LTBP2: variants seen among roughly 807,000 people sequenced by gnomAD.
The protein encoded by LTBP2 is latent-transforming growth factor beta-binding protein 2.
In LTBP2, 103 loss-of-function variants were observed where a neutral mutation model predicts 210.6. The ratio of observed to expected loss-of-function variants is 0.49; its 90% CI spans 0.42 to 0.58. The LOEUF is 0.58. Among genes scored for constraint, LTBP2 ranks in the 20% least tolerant of loss-of-function variants. LTBP2 has a pLI of 0.00. For missense variants in LTBP2, 2,313 were observed against 2,494.5 expected (o/e 0.93, Z 1.55); for synonymous variants, 1,007 against 1,015.0 (o/e 0.99, Z 0.15).
Position 74,555,619 on chromosome 14 carries a change from G to A in LTBP2, c.905C>T (p.Pro302Leu), listed in dbSNP as rs557904436. The change falls in exon 4 of 36, where the codon CCG (proline) becomes CTG (leucine). Residue 302 changes from proline to leucine, a missense_variant. Around this residue, in one of 3 missense-constraint regions of LTBP2, gnomAD observed 1,867 missense variants for 1,976.9 expected, o/e 0.94. Transcript: ENST00000261978. The part of the protein sequence containing the change: ...VGLSRTVRLH[P>L]TATASSQLSS... ...GAGCTGGCTACTGGCCGTGGCAGTC[G>A]GGTGAAGTCGGACAGTGCGGGACAA... is the stretch of plus-strand genomic sequence containing the variant. The A allele has an allele frequency of 3.2e-5, 52 of 1,609,252 alleles. No homozygotes were observed. The highest frequency in any genetic ancestry group is 1.7e-4 in the Middle Eastern group (1 of 5,996).
chr14:74,599,991 TTC>T (rs2088422117), intron 2 of LTBP2, among the ~76,000 whole-genome samples: 2 of 152,152 alleles, frequency 1.3e-5, no homozygotes, highest in Admixed American at 1.3e-4. Flanking sequence ...ATCATGAACA[TTC>T]CCCAACATTG....
intron 2 of LTBP2, among the ~76,000 whole-genome samples, chr14:74,591,503 C>T (rs1390327014): frequency 1.3e-5 from 2 of 152,252 alleles, no homozygotes; most frequent in Non-Finnish European, 2.9e-5. Context: ...GCCCAATCTG[C>T]TGAGGCAGAG....
chr14:74,608,760 A>ATG (rs1566659194), intron 1 of LTBP2, among the ~76,000 whole-genome samples: 1 of 127,770 alleles, frequency 7.8e-6, no homozygotes, highest in Non-Finnish European at 1.7e-5. Context: ...AAGAAAAGAA[A>ATG]AGAAATGAAA....
At chr14:74,538,685 G>C (rs2087453438) in intron 8 of LTBP2, among the ~76,000 whole-genome samples, 1 of 152,194 alleles carries the variant, frequency 6.6e-6, no homozygotes, top group Non-Finnish European at 1.5e-5. Context: ...CTGACATAGG[G>C]ACAGACCAAG....
chr14:74,500,609 C>T lies in LTBP2; in HGVS notation c.*275G>A, dbSNP rs989092961. The T allele has an allele frequency of 2.2e-5, 12 of 541,798 alleles. No homozygotes were observed. The highest frequency in any genetic ancestry group is 1.9e-4 in the African/African-American group (10 of 53,198). The allele number at this position is 541,798 out of a possible 1,614,324, so 33.6% of individuals were successfully genotyped here. On this transcript the variant is annotated 3_prime_UTR_variant, in exon 36 of 36. Transcript: ENST00000261978. ...TGGATGAGGGCCATCCTTTGGTAAG[C>T]ATCCCATAGCAAGGCCAGGAAAGGT...
intron 8 of LTBP2, among the ~76,000 whole-genome samples, chr14:74,536,580 C>A (rs750222071): frequency 6.6e-6 from 1 of 152,230 alleles, no homozygotes; most frequent in Non-Finnish European, 1.5e-5. Context: ...GGCGCAGTGG[C>A]TCATGCCTTA....
intron 3 of LTBP2, among the ~76,000 whole-genome samples, chr14:74,569,190 G>GGGAGGGAC (rs1566643358): frequency 6.7e-6 from 1 of 148,866 alleles, no homozygotes; most frequent in Non-Finnish European, 1.5e-5. Context: ...GAGGGAGGGA[G>GGGAGGGAC]GGAGGGAGGG....
intron 7 of LTBP2, 70 bp from the exon 8 acceptor site, chr14:74,550,035 G>C (rs199548451): frequency 1.4e-5 from 15 of 1,045,704 alleles, no homozygotes; most frequent in Non-Finnish European, 2.0e-5. Flanking sequence ...GAGATGTCCC[G>C]GGAAAGCCTA....
chr14:74,506,803 C>T lies in LTBP2; in HGVS notation c.3928G>A (p.Asp1310Asn), dbSNP rs61738014. ...DCIDIDECAN[D>N]TMCGSHGFCD... ...AAGCCGTGGCTGCCACACATGGTGT[C>T]GTTGGCGCACTCGTCTATGTCTGTG... The change falls in exon 27 of 36, where the codon GAC (aspartate) becomes AAC (asparagine). Residue 1310 changes from aspartate to asparagine, a missense_variant. Transcript: ENST00000261978. 3.4e-5 allele frequency: 55 copies of T among 1,613,954 alleles called. No homozygotes were observed. The African/African-American group carries it at 5.9e-4, about 17-fold the overall frequency.
chr14:74,505,089 C>T lies in LTBP2; in HGVS notation c.4263G>A (p.Ala1421=), dbSNP rs61738017. 3.9e-3 allele frequency: 6,364 copies of T among 1,614,062 alleles called. 159 individuals carry two copies. The African/African-American group carries it at 0.062, about 16-fold the overall frequency. ...TCCGGCCCAGGACACTGGAGCAGGG[C>T]GCATGGCCCTTCTGCCCGGAGTAGC... is the stretch of plus-strand genomic sequence containing the variant. The part of the protein sequence containing the change: ...MDCYSGQKGH[A]PCSSVLGRNT... Residue 1421 remains alanine (A), a synonymous_variant, in exon 29 of 36, where the codon GCG becomes GCA. Transcript: ENST00000261978.
At chr14:74,532,642 T>C in intron 9 of LTBP2, 94 bp from the exon 10 acceptor site, 1 of 1,432,080 alleles carries the variant, frequency 7.0e-7, no homozygotes, top group Non-Finnish European at 9.6e-7. Flanking sequence ...TCTCTCCAGA[T>C]AAAACAACAA....
intron 3 of LTBP2, among the ~76,000 whole-genome samples, chr14:74,566,521 G>A (rs2087904202): frequency 6.6e-6 from 1 of 152,226 alleles, no homozygotes; most frequent in Non-Finnish European, 1.5e-5. Context: ...TGGCAAGGCA[G>A]AGGAAGGCCC....
At position 74,499,687 on chromosome 14, in the gene LTBP2, T is replaced by C. The variant is rs919019373; in HGVS notation, c.*1197A>G. On this transcript the variant is annotated 3_prime_UTR_variant, in exon 36 of 36. Coordinates refer to ENST00000261978, the MANE Select transcript of LTBP2 (RefSeq NM_000428.3). ...GCCAGGGAGTAGGCACAGCCTCATC[T>C]CTAATATTTAGACTTAGCCAACATG... 1.3e-5 allele frequency: 3 copies of C among 225,448 alleles called. No individual in the cohort carries two copies. Among genetic ancestry groups the C allele is most frequent in the African/African-American group, 6.7e-5 (3 of 44,892 alleles). The allele number at this position is 225,448 out of a possible 1,614,324, so 14.0% of individuals were successfully genotyped here.
intron 2 of LTBP2, among the ~76,000 whole-genome samples, chr14:74,594,962 C>G (rs2088338095): frequency 6.6e-6 from 1 of 152,228 alleles, no homozygotes; most frequent in Non-Finnish European, 1.5e-5. Context: ...CACAGCTGTG[C>G]CAGGACCATG....
Position 74,611,879 on chromosome 14 carries a change from C to A in LTBP2, c.66G>T (p.Leu22=). Residue 22 remains leucine (L), a synonymous_variant, in exon 1 of 36, where the codon CTG becomes CTT. Transcript: ENST00000261978. ...RALRNPWRGF[L]PLTLALFVGA... is the part of the protein sequence containing the mutation. Reference sequence around the variant, plus strand: ...CCACGAAGAGAGCCAGGGTGAGCGGCAGGAAGCCTCTCCAGGGGTTCCGCA... The same window carrying A: ...CCACGAAGAGAGCCAGGGTGAGCGGAAGGAAGCCTCTCCAGGGGTTCCGCA... The A allele has an allele frequency of 6.2e-7, 1 of 1,607,902 alleles. No homozygotes were observed. Among genetic ancestry groups the A allele is most frequent in the South Asian group, 1.1e-5 (1 of 90,720 alleles).
chr14:74,525,245 A>G lies in LTBP2; in HGVS notation c.2429-20T>C. On this transcript the variant is annotated intron_variant, in intron 14 of 35. Transcript: ENST00000261978. Reference sequence around the variant, plus strand: ...CATTCCCTGTGGAGGAGAGAGGGGAAGAGGTGGGGTTGTGGCCCCTTGGCT... The same window carrying G: ...CATTCCCTGTGGAGGAGAGAGGGGAGGAGGTGGGGTTGTGGCCCCTTGGCT... The G allele has an allele frequency of 7.7e-7, 1 of 1,294,780 alleles. No individual in the cohort carries two copies. The highest frequency in any genetic ancestry group is 3.0e-5 in the South Asian group (1 of 32,914). The allele number at this position is 1,294,780 out of a possible 1,614,324, so 80.2% of individuals were successfully genotyped here. A position where few individuals can be genotyped will look rare whatever the true frequency, so the allele number is the denominator to read the frequency against.
intron 8 of LTBP2, among the ~76,000 whole-genome samples, chr14:74,548,227 T>G (rs554257906): frequency 2.0e-5 from 3 of 150,840 alleles, no homozygotes; most frequent in African/African-American, 7.3e-5. Context: ...AAGATGATCT[T>G]GAACAAATGG....
At chr14:74,552,093 C>A (rs2087665506) in intron 6 of LTBP2, 94 bp downstream of exon 6, 1 of 1,196,710 alleles carries the variant, frequency 8.4e-7, no homozygotes, top group South Asian at 1.3e-5. Flanking sequence ...GGACTACAGG[C>A]AGCTTCCCTA....
At chr14:74,516,502 G>C (rs184791899) in intron 18 of LTBP2, among the ~76,000 whole-genome samples, 178 of 152,274 alleles carry the variant, frequency 1.2e-3, no homozygotes, top group African/African-American at 4.2e-3. Context: ...CAGACACACC[G>C]ACTCTTCCTC....
Sources: allele counts gnomAD v4.1 joint callset (sites outside exome capture counted in the v4.1 genomes callset), GRCh38; gene constraint gnomAD v4.1.1; regional missense constraint gnomAD v4.1.1; transcripts MANE v1.5; gene names NCBI Gene and HGNC (gene_info 2026-07-23, HGNC 2026-07-21).